CAB39L: variants seen among roughly 807,000 people sequenced by gnomAD.
The protein encoded by CAB39L is calcium-binding protein 39-like.
CAB39L carries 23 observed loss-of-function variants against 39.1 expected under a neutral mutation model. The observed-to-expected ratio is 0.59, with a 90% CI of 0.42 to 0.83. CAB39L has a LOEUF of 0.83. Ranked by LOEUF, CAB39L falls within the 40% of genes least tolerant of loss-of-function variation. The pLI is 0.00. For synonymous variants in CAB39L, 126 were observed against 137.2 expected, an observed-to-expected ratio of 0.92 and a Z score of 0.57; for missense variants, 366 against 391.9, an observed-to-expected ratio of 0.93 and a Z score of 0.56.
chr13:49,313,275 A>T (rs949598942), intron 10 of CAB39L, among the ~76,000 whole-genome samples: 2 of 152,086 alleles, frequency 1.3e-5, no homozygotes, highest in African/African-American at 2.4e-5. Flanking sequence ...AAGTCAGGAG[A>T]TCGAGACCAT....
intron 3 of CAB39L, among the ~76,000 whole-genome samples, chr13:49,393,461 A>C (rs923318932): frequency 1.3e-5 from 2 of 152,030 alleles, no homozygotes; most frequent in Non-Finnish European, 2.9e-5. Context: ...TTATCTATTC[A>C]TCCCTTCAGC....
At chr13:49,388,999 T>C (rs1266267280) in intron 3 of CAB39L, among the ~76,000 whole-genome samples, 1 of 152,182 alleles carries the variant, frequency 6.6e-6, no homozygotes, top group Non-Finnish European at 1.5e-5. Context: ...CAGTATTCCC[T>C]GTCCTGGATG....
chr13:49,349,715 A>G (rs927834877), intron 7 of CAB39L, among the ~76,000 whole-genome samples: 3 of 152,078 alleles, frequency 2.0e-5, no homozygotes, highest in Non-Finnish European at 4.4e-5. Context: ...CACCCACTTT[A>G]TACACTAACC....
chr13:49,406,784 T>C (rs1801906705), intron 3 of CAB39L, among the ~76,000 whole-genome samples: 1 of 152,160 alleles, frequency 6.6e-6, no homozygotes, highest in Admixed American at 6.5e-5. Context: ...CCACAAATCT[T>C]TGTTCTAATA....
chr13:49,368,702 CA>C (rs1955834110), intron 5 of CAB39L, among the ~76,000 whole-genome samples: 3 of 152,060 alleles, frequency 2.0e-5, no homozygotes, highest in African/African-American at 7.2e-5. Flanking sequence ...CTGGCAAATT[CA>C]AAAAAGTCAG....
chr13:49,380,581 G>A (rs1441009651), intron 4 of CAB39L, among the ~76,000 whole-genome samples: 2 of 152,060 alleles, frequency 1.3e-5, no homozygotes, highest in Non-Finnish European at 2.9e-5. Flanking sequence ...ATTAGATAGC[G>A]GTGAGTTGCA....
rs1241473976 is a variant in CAB39L at position 49,317,819 on chromosome 13, G to GA, written c.835-6827dup. On this transcript the variant is annotated intron_variant, in intron 10 of 10. Transcript: ENST00000409308. ...TATCAAAGGATACTATCAAGAGAGT[G>GA]AAAAAAACACACAGAACGGGAGAAA... Among the ~76,000 whole-genome samples, 4 of 151,874 alleles carry GA rather than the reference G, an allele frequency of 2.6e-5. No homozygotes were observed. The East Asian group carries it at 7.7e-4, about 29-fold the overall frequency.
chr13:49,346,563 A>G (rs951757024), intron 7 of CAB39L, among the ~76,000 whole-genome samples: 3 of 152,100 alleles, frequency 2.0e-5, no homozygotes, highest in Non-Finnish European at 4.4e-5. Flanking sequence ...ATTTTTAATG[A>G]ATACTGCTTG....
chr13:49,443,095 A>AT (rs1334125713), intron 1 of CAB39L, among the ~76,000 whole-genome samples: 2 of 151,440 alleles, frequency 1.3e-5, no homozygotes, highest in Non-Finnish European at 2.9e-5. Context: ...AAAAAAAAAA[A>AT]AAAAAAGGAG....
intron 3 of CAB39L, among the ~76,000 whole-genome samples, chr13:49,425,425 A>G (rs928325616): frequency 1.3e-5 from 2 of 152,224 alleles, no homozygotes; most frequent in African/African-American, 4.8e-5. Context: ...AGAAAAATAC[A>G]TATGTCTATA....
At chr13:49,396,189 G>C (rs1430841268) in intron 3 of CAB39L, among the ~76,000 whole-genome samples, 9 of 151,792 alleles carry the variant, frequency 5.9e-5, no homozygotes. Context: ...GAAGCCAAAA[G>C]AGATGTCTCA....
intron 3 of CAB39L, among the ~76,000 whole-genome samples, chr13:49,385,258 G>A (rs901719842): frequency 3.9e-5 from 6 of 152,162 alleles, no homozygotes; most frequent in African/African-American, 1.4e-4. Context: ...ACCTCATGGA[G>A]CAATCTCTTT....
At chr13:49,387,866 G>A (rs553283450) in intron 3 of CAB39L, among the ~76,000 whole-genome samples, 2 of 152,258 alleles carry the variant, frequency 1.3e-5, no homozygotes, top group Non-Finnish European at 2.9e-5. Context: ...AAACTGCATA[G>A]AGCAGAATAA....
Position 49,330,561 on chromosome 13 carries a change from G to C in CAB39L, c.834+1386C>G, listed in dbSNP as rs144873084. Among the ~76,000 whole-genome samples, 445 of 152,036 alleles carry C rather than the reference G, an allele frequency of 2.9e-3. 2 individuals are homozygous for C. The highest frequency in any genetic ancestry group is 9.3e-3 in the African/African-American group (387 of 41,474). ...AATTGCTTGAGCCTAGGAATTTGAG[G>C]CTGCAGTAAGCCATGATCACACCAC... On this transcript the variant is annotated intron_variant, in intron 10 of 10. Transcript: ENST00000409308.
rs763657133 is a variant in CAB39L at position 49,374,418 on chromosome 13, A to G, written c.276+2549T>C. On this transcript the variant is annotated intron_variant, in intron 5 of 10. Coordinates refer to ENST00000409308, the MANE Select transcript of CAB39L (RefSeq NM_001079670.3). ...AATCTTCAGCTATATGGAAAATTCAAATGTTCAGAAAGATACTTCTTTTCT... is the reference window on the plus strand; with the variant it reads ...AATCTTCAGCTATATGGAAAATTCAGATGTTCAGAAAGATACTTCTTTTCT... Among the ~76,000 whole-genome samples the G allele has an allele frequency of 5.9e-5, 9 of 152,218 alleles. 1 individual carries two copies. Among genetic ancestry groups the G allele is most frequent in the Non-Finnish European group, 1.3e-4 (9 of 68,030 alleles).
intron 6 of CAB39L, among the ~76,000 whole-genome samples, chr13:49,357,910 C>G (rs1173528431): frequency 6.6e-6 from 1 of 152,218 alleles, no homozygotes; most frequent in African/African-American, 2.4e-5. Flanking sequence ...CCCTCTGACT[C>G]ACACAGAACT....
At chr13:49,355,088 G>C (rs529945933) in intron 6 of CAB39L, among the ~76,000 whole-genome samples, 3 of 151,958 alleles carry the variant, frequency 2.0e-5, no homozygotes, top group Non-Finnish European at 4.4e-5. Flanking sequence ...TAAAAATAAT[G>C]AGTTAGGCCA....
At chr13:49,314,936 T>C (rs1593890180) in intron 10 of CAB39L, among the ~76,000 whole-genome samples, 1 of 152,306 alleles carries the variant, frequency 6.6e-6, no homozygotes, top group East Asian at 1.9e-4. Context: ...ACATACATTG[T>C]TGCAAAATTG....
At chr13:49,311,079 C>T (rs552527542) in intron 10 of CAB39L, 86 bp from the exon 11 acceptor site, 8 of 1,214,316 alleles carry the variant, frequency 6.6e-6, no homozygotes, top group Admixed American at 4.3e-5. Flanking sequence ...ACCTCACCCA[C>T]ACTACTCGCG....
Sources: allele counts gnomAD v4.1 joint callset (sites outside exome capture counted in the v4.1 genomes callset), GRCh38; gene constraint gnomAD v4.1.1; transcripts MANE v1.5; gene names NCBI Gene and HGNC (gene_info 2026-07-23, HGNC 2026-07-21).